The following GRXCR1 variants were observed in gnomAD, a reference collection of about 807,000 sequenced individuals.
GRXCR1 encodes the protein glutaredoxin and cysteine rich domain containing 1.
GRXCR1 carries 27 observed loss-of-function variants against 27.3 expected under a neutral mutation model. That is an observed-to-expected ratio of 0.99 (90% CI 0.73 to 1.37). The LOEUF (loss-of-function observed/expected upper bound fraction) is 1.37. GRXCR1 is among the 40% of genes most tolerant of loss of function. The pLI, the probability that GRXCR1 is intolerant of heterozygous loss-of-function variation, is 0.00. For missense variants in GRXCR1, 379 were observed against 354.4 expected (o/e 1.07, Z -0.56); for synonymous variants, 122 against 131.1 (o/e 0.93, Z 0.47).
chr4:42,931,059 C>G (rs1747293000), intron 1 of GRXCR1, among the ~76,000 whole-genome samples: 1 of 148,530 alleles, frequency 6.7e-6, no homozygotes, highest in East Asian at 2.0e-4. Flanking sequence ...CAAAATAAAG[C>G]TTTTTTTTTT....
intron 2 of GRXCR1, among the ~76,000 whole-genome samples, chr4:42,976,028 T>C (rs1207053490): frequency 6.6e-6 from 1 of 152,166 alleles, no homozygotes; most frequent in Non-Finnish European, 1.5e-5. Context: ...ATTTCACAGA[T>C]TTAAATTGAT....
At chr4:42,920,370 T>C (rs889488630) in intron 1 of GRXCR1, among the ~76,000 whole-genome samples, 2 of 152,056 alleles carry the variant, frequency 1.3e-5, no homozygotes, top group African/African-American at 4.8e-5. Flanking sequence ...GCCCAATGAG[T>C]GAATTAATTT....
intron 1 of GRXCR1, among the ~76,000 whole-genome samples, chr4:42,911,260 T>C (rs1417709378): frequency 3.3e-5 from 5 of 152,160 alleles, no homozygotes; most frequent in African/African-American, 1.2e-4. Context: ...CCAAAGCAAT[T>C]GAAGCATGAA....
At chr4:42,922,515 T>C (rs1040255183) in intron 1 of GRXCR1, among the ~76,000 whole-genome samples, 1 of 152,108 alleles carries the variant, frequency 6.6e-6, no homozygotes, top group Non-Finnish European at 1.5e-5. Flanking sequence ...TCTGGAGAGA[T>C]AGTTCTGCAG....
chr4:42,963,186 T>C, intron 2 of GRXCR1, 52 bp downstream of exon 2: 1 of 1,590,662 alleles, frequency 6.3e-7, no homozygotes, highest in Non-Finnish European at 8.6e-7. Flanking sequence ...CCAGGGCTGA[T>C]AGAAATCTAT....
intron 1 of GRXCR1, among the ~76,000 whole-genome samples, chr4:42,952,971 T>C (rs1362367227): frequency 6.6e-6 from 1 of 152,188 alleles, no homozygotes; most frequent in African/African-American, 2.4e-5. Context: ...GCATAGAGAA[T>C]TTGAGCGGTC....
At chr4:43,005,388 C>T (rs577265768) in intron 2 of GRXCR1, among the ~76,000 whole-genome samples, 1 of 152,158 alleles carries the variant, frequency 6.6e-6, no homozygotes, top group Admixed American at 6.5e-5. Context: ...GCAAATTATA[C>T]CTGTTTGTTG....
At chr4:42,962,844 C>A in intron 1 of GRXCR1, 48 bp from the exon 2 acceptor site, 2 of 1,607,892 alleles carry the variant, frequency 1.2e-6, no homozygotes, top group Non-Finnish European at 8.5e-7. Flanking sequence ...TCATAAGACA[C>A]AAGAAAGTAA....
chr4:42,900,132 G>A (rs1224690197), intron 1 of GRXCR1, among the ~76,000 whole-genome samples: 1 of 152,076 alleles, frequency 6.6e-6, no homozygotes, highest in Non-Finnish European at 1.5e-5. Flanking sequence ...TTTAAATTTT[G>A]TATAAAAGTA....
At chr4:43,022,585 T>G (rs1577949185) in intron 3 of GRXCR1, among the ~76,000 whole-genome samples, 1 of 152,358 alleles carries the variant, frequency 6.6e-6, no homozygotes, top group East Asian at 1.9e-4. Context: ...GTGCCATCAC[T>G]ATGTTCGGCT....
chr4:43,007,143 G>T (rs1329968934), intron 2 of GRXCR1, among the ~76,000 whole-genome samples: 1 of 152,210 alleles, frequency 6.6e-6, no homozygotes, highest in East Asian at 1.9e-4. Context: ...AATTAGTTTG[G>T]TGATCAGAGA....
At chr4:42,950,281 T>C (rs1255623598) in intron 1 of GRXCR1, among the ~76,000 whole-genome samples, 4 of 152,162 alleles carry the variant, frequency 2.6e-5, no homozygotes, top group Non-Finnish European at 5.9e-5. Flanking sequence ...TTTCTTCTGG[T>C]CTGCAACTTG....
intron 2 of GRXCR1, among the ~76,000 whole-genome samples, chr4:42,985,643 AAAAT>A (rs1164480227): frequency 2.0e-5 from 3 of 151,706 alleles, no homozygotes; most frequent in African/African-American, 7.2e-5. Context: ...AAATATATTA[AAAAT>A]AAATAAAAAT....
intron 2 of GRXCR1, among the ~76,000 whole-genome samples, chr4:43,015,379 C>T (rs1712899368): frequency 1.3e-5 from 2 of 151,858 alleles, no homozygotes; most frequent in South Asian, 4.2e-4. Flanking sequence ...GGAAAAGGAG[C>T]CTGGTTTAAG....
chr4:43,026,565 A>G (rs1306065492), intron 3 of GRXCR1, among the ~76,000 whole-genome samples: 1 of 152,188 alleles, frequency 6.6e-6, no homozygotes, highest in Non-Finnish European at 1.5e-5. Flanking sequence ...GGCTTTAGTC[A>G]TAGCGTTTAT....
chr4:42,973,932 A>G (rs1041154901), intron 2 of GRXCR1, among the ~76,000 whole-genome samples: 13 of 152,204 alleles, frequency 8.5e-5, no homozygotes, highest in African/African-American at 3.1e-4. Context: ...AGGCTAGAGC[A>G]TGTTCTAGGG....
intron 2 of GRXCR1, among the ~76,000 whole-genome samples, chr4:42,980,675 A>C (rs1266644348): frequency 6.6e-6 from 1 of 152,054 alleles, no homozygotes. Flanking sequence ...GTTTAAATAC[A>C]ATATTTTCTT....
At chr4:42,955,428 C>A (rs1422914875) in intron 1 of GRXCR1, among the ~76,000 whole-genome samples, 1 of 152,048 alleles carries the variant, frequency 6.6e-6, no homozygotes, top group Non-Finnish European at 1.5e-5. Flanking sequence ...ACAACTTTAT[C>A]CTCAGGAGTG....
At chr4:42,960,346 A>G (rs1748104179) in intron 1 of GRXCR1, among the ~76,000 whole-genome samples, 1 of 151,988 alleles carries the variant, frequency 6.6e-6, no homozygotes, top group Admixed American at 6.6e-5. Flanking sequence ...AAGAAAAAAG[A>G]GAACTTCGGT....
Sources: gnomAD v4.1 joint callset for allele counts (sites outside exome capture counted in the v4.1 genomes callset) on GRCh38, gnomAD v4.1.1 for gene constraint, MANE v1.5 for transcripts, NCBI Gene and HGNC (gene_info 2026-07-23, HGNC 2026-07-21) for gene names.